The following ARMC9 variants were observed in gnomAD, a reference collection of about 807,000 sequenced individuals.
ARMC9 encodes armadillo repeat containing 9, also known as lisH domain-containing protein ARMC9.
Under a neutral mutation model 107.0 loss-of-function variants are expected in ARMC9, and 94 were observed. The observed-to-expected ratio is 0.88, with a 90% confidence interval of 0.74 to 1.04. The LOEUF is 1.04. ARMC9 is among the 50% of genes least tolerant of loss of function. ARMC9 has a pLI of 0.00. For synonymous variants in ARMC9, 380 were observed against 396.9 expected (o/e 0.96, Z 0.51); for missense variants, 942 against 1,030.1 (o/e 0.91, Z 1.17).
chr2:231,343,915 G>A (rs1337416264), intron 20 of ARMC9, among the ~76,000 whole-genome samples: 1 of 150,926 alleles, frequency 6.6e-6, no homozygotes, highest in Non-Finnish European at 1.5e-5. Flanking sequence ...AAAAAAAAAA[G>A]CATTCTTTAT....
At chr2:231,268,896 GA>G (rs913687650) in intron 12 of ARMC9, among the ~76,000 whole-genome samples, 34 of 147,036 alleles carry the variant, frequency 2.3e-4, no homozygotes, top group Non-Finnish European at 3.5e-4. Flanking sequence ...CATTCTCTAA[GA>G]AAAAAAAAAA....
chr2:231,353,978 TATACACACACACAC>T lies in ARMC9; in HGVS notation c.1995-1818_1995-1805del, dbSNP rs1298961641. ...TGTAACAATGCAGCATATATGTATA[TATACACACACACAC>T]ACACACACACACACACACACACACC... On this transcript the variant is annotated intron_variant, in intron 21 of 24. Coordinates refer to ENST00000611582, the MANE Select transcript of ARMC9 (RefSeq NM_001352754.2). Among the ~76,000 whole-genome samples the T allele has an allele frequency of 3.6e-3, 499 of 138,298 alleles. 5 individuals are homozygous for T. The highest frequency in any genetic ancestry group is 0.015 in the African/African-American group (478 of 31,946). 90.7% of individuals were successfully genotyped at this position (138,298 alleles called of 152,430 possible).
intron 22 of ARMC9, among the ~76,000 whole-genome samples, chr2:231,357,620 C>T (rs757378967): frequency 1.1e-4 from 16 of 152,130 alleles, no homozygotes; most frequent in Non-Finnish European, 2.2e-4. Context: ...CACTCTGTCC[C>T]CCAGGCTGGA....
intron 20 of ARMC9, among the ~76,000 whole-genome samples, chr2:231,335,134 G>A (rs781371764): frequency 3.3e-5 from 5 of 152,322 alleles, no homozygotes; most frequent in Admixed American, 6.5e-5. Flanking sequence ...AGCTGTTACC[G>A]TCAAGAAGTT....
Position 231,358,529 on chromosome 2 carries a change from C to T in ARMC9, c.2132-2225C>T, listed in dbSNP as rs999396098. ...TCTCTCACTCACCTTGCCCCAGGCC[C>T]ATCCTGGCCCCAGGCAGCGCTCCCC... On this transcript the variant is annotated intron_variant, in intron 22 of 24. Transcript: ENST00000611582. This position sits in a 1 kb window ranked among gnomAD's most constrained non-coding sequence, Gnocchi z 4.5. 6.6e-6 allele frequency among the ~76,000 whole-genome samples: 1 copy of T among 152,210 alleles called. No homozygotes were observed. Among genetic ancestry groups the T allele is most frequent in the Non-Finnish European group, 1.5e-5 (1 of 68,048 alleles).
intron 20 of ARMC9, among the ~76,000 whole-genome samples, chr2:231,334,406 A>G (rs1037775421): frequency 1.3e-5 from 2 of 152,214 alleles, no homozygotes; most frequent in Admixed American, 1.3e-4. Flanking sequence ...TGGCTGCAAC[A>G]TGCCAATCCC....
chr2:231,329,084 G>A lies in ARMC9; in HGVS notation c.1774-2709G>A, dbSNP rs188798301. Among the ~76,000 whole-genome samples the A allele has an allele frequency of 6.1e-3, 924 of 151,992 alleles. 10 individuals are homozygous for A. The highest frequency in any genetic ancestry group is 0.01 in the Middle Eastern group (3 of 294). Reference sequence around the variant, plus strand: ...GGTCCACCCACCTCGGCCTCCCAAAGTGCTGGGATTACAGGCGTGAGCCAC... The same window carrying A: ...GGTCCACCCACCTCGGCCTCCCAAAATGCTGGGATTACAGGCGTGAGCCAC... On this transcript the variant is annotated intron_variant, in intron 19 of 24. Coordinates refer to ENST00000611582, the MANE Select transcript of ARMC9 (RefSeq NM_001352754.2).
chr2:231,365,823 C>G (rs929015026), intron 23 of ARMC9, among the ~76,000 whole-genome samples: 1 of 151,992 alleles, frequency 6.6e-6, no homozygotes, highest in Non-Finnish European at 1.5e-5. Context: ...TTTTGAGACA[C>G]AGTCTCGCTC....
chr2:231,275,901 C>G (rs986402123), intron 14 of ARMC9, among the ~76,000 whole-genome samples: 3 of 152,148 alleles, frequency 2.0e-5, no homozygotes, highest in South Asian at 4.2e-4. Flanking sequence ...TGCGGTGAGC[C>G]GAGATCGTGC....
chr2:231,279,256 C>A (rs2040011683), intron 16 of ARMC9, among the ~76,000 whole-genome samples: 1 of 152,130 alleles, frequency 6.6e-6, no homozygotes, highest in African/African-American at 2.4e-5. Flanking sequence ...ACCTATGGGC[C>A]CCAAGCACTT....
At chr2:231,246,198 A>C (rs142693777) in intron 9 of ARMC9, among the ~76,000 whole-genome samples, 1 of 152,062 alleles carries the variant, frequency 6.6e-6, no homozygotes, top group African/African-American at 2.4e-5. Context: ...AAGTCAAAAC[A>C]CTTTATTTAT....
intron 19 of ARMC9, among the ~76,000 whole-genome samples, chr2:231,320,745 G>T (rs2042952721): frequency 6.6e-6 from 1 of 152,138 alleles, no homozygotes; most frequent in Non-Finnish European, 1.5e-5. Context: ...CAGGTGAGCT[G>T]ATGGTCACAG....
chr2:231,343,314 C>T (rs2125581184), intron 20 of ARMC9, among the ~76,000 whole-genome samples: 1 of 150,712 alleles, frequency 6.6e-6, no homozygotes, highest in African/African-American at 2.4e-5. Context: ...TTTTTTTCTT[C>T]CTCTCCCTGC....
intron 15 of ARMC9, among the ~76,000 whole-genome samples, chr2:231,277,222 AAGTCATTTATATACTTGATC>A (rs1429160832): frequency 1.2e-4 from 18 of 152,158 alleles, no homozygotes; most frequent in South Asian, 2.1e-4. Flanking sequence ...CTGTGGGCAC[AAGTCATTTATATACTTGATC>A]AGTCATTTAT....
At chr2:231,275,385 G>T (rs943501755) in intron 14 of ARMC9, among the ~76,000 whole-genome samples, 7 of 152,158 alleles carry the variant, frequency 4.6e-5, no homozygotes, top group African/African-American at 9.7e-5. Flanking sequence ...ATCTCATAAT[G>T]ATACCACACT....
chr2:231,352,714 G>A (rs1008264984), intron 21 of ARMC9, among the ~76,000 whole-genome samples: 1 of 151,266 alleles, frequency 6.6e-6, no homozygotes, highest in Admixed American at 6.7e-5. Flanking sequence ...TAGATGATAG[G>A]TAGGTAGATA....
chr2:231,245,484 G>A (rs920010293), intron 9 of ARMC9, among the ~76,000 whole-genome samples: 2 of 152,194 alleles, frequency 1.3e-5, no homozygotes, highest in African/African-American at 4.8e-5. Context: ...GTTAGTGTTA[G>A]GGTTAGGGCT....
At chr2:231,254,783 C>T (rs1470224459) in intron 9 of ARMC9, among the ~76,000 whole-genome samples, 1 of 152,062 alleles carries the variant, frequency 6.6e-6, no homozygotes, top group Non-Finnish European at 1.5e-5. Context: ...AATGGATCCC[C>T]AAGTGCCCAT....
rs747422944 is a variant in ARMC9 at position 231,262,290 on chromosome 2, T to C, written c.1027-16T>C. 8 of 1,613,884 alleles carry C rather than the reference T, an allele frequency of 5.0e-6. No homozygotes were observed. In the Admixed American group the frequency reaches 1.0e-4, roughly 20 times the overall value. On this transcript the variant is annotated splice_polypyrimidine_tract_variant and intron_variant, in intron 11 of 24. Transcript: ENST00000611582. ...TAAGACTTAGGTCTCACTACTTTTG[T>C]TTTTCTTTGCTCCAGCGCTTGACCA...
Sources: gnomAD v4.1 joint callset for allele counts (sites outside exome capture counted in the v4.1 genomes callset) on GRCh38, gnomAD v4.1.1 for gene constraint, Gnocchi (gnomAD v3.1) non-coding constraint, MANE v1.5 for transcripts, NCBI Gene and HGNC (gene_info 2026-07-23, HGNC 2026-07-21) for gene names.